Variants in STXBP5L observed in about 807,000 individuals in gnomAD.
The protein encoded by STXBP5L is syntaxin binding protein 5L, also known as syntaxin-binding protein 5-like.
In STXBP5L, 65 loss-of-function variants were observed where a neutral mutation model predicts 144.5. The observed-to-expected ratio is 0.45, with a 90% CI of 0.37 to 0.55. The LOEUF (loss-of-function observed/expected upper bound fraction) is 0.55. Among genes scored for constraint, STXBP5L ranks in the 20% least tolerant of loss-of-function variants. The pLI, the probability that STXBP5L is intolerant of heterozygous loss-of-function variation, is 0.00. For synonymous variants in STXBP5L, 505 were observed against 469.6 expected, an observed-to-expected ratio of 1.08 and a Z score of -0.97; for missense variants, 1,298 against 1,405.5, an observed-to-expected ratio of 0.92 and a Z score of 1.22.
chr3:120,952,585 G>C (rs16831995), intron 2 of STXBP5L, among the ~76,000 whole-genome samples: 14,994 of 151,816 alleles, frequency 0.099, 1,161 homozygotes, highest in Admixed American at 0.2. Flanking sequence ...GATTTATAAT[G>C]GTGATTTTGC....
intron 3 of STXBP5L, among the ~76,000 whole-genome samples, chr3:120,990,799 C>G (rs1410498452): frequency 1.3e-5 from 2 of 152,170 alleles, no homozygotes; most frequent in Non-Finnish European, 1.5e-5. Context: ...GAAACTGGAT[C>G]CCTTCCTTAC....
intron 7 of STXBP5L, among the ~76,000 whole-genome samples, chr3:121,123,988 A>G (rs1429661319): frequency 1.1e-4 from 17 of 151,710 alleles, no homozygotes; most frequent in Admixed American, 1.1e-3. Context: ...TGGTTTTAAG[A>G]CCTTGCATTT....
intron 7 of STXBP5L, among the ~76,000 whole-genome samples, chr3:121,130,868 A>G (rs968465687): frequency 6.6e-6 from 1 of 152,184 alleles, no homozygotes; most frequent in Non-Finnish European, 1.5e-5. Context: ...AGTGATATAT[A>G]TATCAGAATT....
chr3:121,388,697 T>C (rs1381920499), intron 22 of STXBP5L, among the ~76,000 whole-genome samples: 1 of 152,188 alleles, frequency 6.6e-6, no homozygotes, highest in Non-Finnish European at 1.5e-5. Flanking sequence ...GGTACGTTTA[T>C]TGATTTCTGT....
intron 16 of STXBP5L, 55 bp downstream of exon 16, chr3:121,255,167 A>G (rs1237069574): frequency 2.9e-6 from 4 of 1,379,902 alleles, no homozygotes; most frequent in South Asian, 1.5e-5. Flanking sequence ...GAAAGCTATT[A>G]TCATAGATTT....
chr3:120,995,058 A>G (rs1943231527), intron 3 of STXBP5L, among the ~76,000 whole-genome samples: 1 of 152,206 alleles, frequency 6.6e-6, no homozygotes, highest in Middle Eastern at 3.4e-3. Context: ...TTAAAAATTG[A>G]TATATTAAGA....
Position 121,302,534 on chromosome 3 carries a change from T to TCC in STXBP5L, c.2111-15940_2111-15939insCC, listed in dbSNP as rs202124581. Among the ~76,000 whole-genome samples, 692 of 152,324 alleles carry TCC rather than the reference T, an allele frequency of 4.5e-3. 4 individuals carry two copies. The highest frequency in any genetic ancestry group is 0.016 in the African/African-American group (660 of 41,574). On this transcript the variant is annotated intron_variant, in intron 19 of 26. Coordinates refer to ENST00000471454, the MANE Select transcript of STXBP5L (RefSeq NM_001308330.2). ...GATTTTTTGAAGGGTTTTTTATGTC[T>TCC]CTATCTCTTTCAGTTCTGCTCTGAT...
At chr3:121,181,903 C>T (rs1249680308) in intron 9 of STXBP5L, among the ~76,000 whole-genome samples, 1 of 150,846 alleles carries the variant, frequency 6.6e-6, no homozygotes, top group African/African-American at 2.4e-5. Context: ...ACAGGAGTAG[C>T]TATTCTTATA....
At chr3:121,087,112 A>G (rs1237983571) in intron 5 of STXBP5L, among the ~76,000 whole-genome samples, 4 of 151,972 alleles carry the variant, frequency 2.6e-5, no homozygotes. Context: ...GATGTAGCTC[A>G]TCTTTGTGTA....
chr3:120,987,240 C>A (rs1001858629), intron 3 of STXBP5L, among the ~76,000 whole-genome samples: 3 of 151,900 alleles, frequency 2.0e-5, no homozygotes, highest in African/African-American at 7.2e-5. Context: ...TTCCCACCAG[C>A]AGTGTATGAA....
At chr3:121,218,724 C>T (rs1027875785) in intron 10 of STXBP5L, among the ~76,000 whole-genome samples, 1 of 152,022 alleles carries the variant, frequency 6.6e-6, no homozygotes, top group African/African-American at 2.4e-5. Context: ...GTGAAGAGAA[C>T]ATATTTTTAG....
At chr3:121,172,840 A>G (rs1287646309) in intron 9 of STXBP5L, among the ~76,000 whole-genome samples, 1 of 152,244 alleles carries the variant, frequency 6.6e-6, no homozygotes, top group Non-Finnish European at 1.5e-5. Context: ...GTGTATACCC[A>G]AAGGATTTTA....
intron 5 of STXBP5L, among the ~76,000 whole-genome samples, chr3:121,101,968 G>C (rs1298356253): frequency 6.6e-6 from 1 of 151,744 alleles, no homozygotes; most frequent in Admixed American, 6.6e-5. Flanking sequence ...ATATACAATA[G>C]TCACAAGCAA....
intron 3 of STXBP5L, among the ~76,000 whole-genome samples, chr3:121,030,923 G>C (rs764158536): frequency 1.3e-5 from 2 of 152,044 alleles, no homozygotes; most frequent in African/African-American, 4.8e-5. Context: ...TAACTTACTG[G>C]GAGAGCTGGA....
At chr3:121,328,266 T>C (rs769246705) in intron 20 of STXBP5L, among the ~76,000 whole-genome samples, 3 of 152,216 alleles carry the variant, frequency 2.0e-5, no homozygotes, top group Non-Finnish European at 4.4e-5. Context: ...CCATATACCA[T>C]ACACTATGCT....
chr3:121,011,735 C>T (rs894440132), intron 3 of STXBP5L, among the ~76,000 whole-genome samples: 2 of 150,660 alleles, frequency 1.3e-5, no homozygotes, highest in Non-Finnish European at 3.0e-5. Context: ...CCATCCAAAG[C>T]TGGACACTTA....
At chr3:120,913,114 C>A (rs1279757675) in intron 2 of STXBP5L, among the ~76,000 whole-genome samples, 2 of 151,966 alleles carry the variant, frequency 1.3e-5, no homozygotes, top group Admixed American at 1.3e-4. Flanking sequence ...TCTGTAGCAT[C>A]TGGCATATAC....
At chr3:121,336,017 G>A (rs1559988120) in intron 20 of STXBP5L, among the ~76,000 whole-genome samples, 1 of 152,122 alleles carries the variant, frequency 6.6e-6, no homozygotes, top group Non-Finnish European at 1.5e-5. Context: ...TTCAAACTAT[G>A]CATCTGACAA....
chr3:121,216,778 G>C (rs1056648058), intron 10 of STXBP5L, among the ~76,000 whole-genome samples: 7 of 152,126 alleles, frequency 4.6e-5, no homozygotes, highest in Admixed American at 2.0e-4. Flanking sequence ...CTTAAGCTGC[G>C]CCCACAGCCA....
Sources: allele counts gnomAD v4.1 joint callset (sites outside exome capture counted in the v4.1 genomes callset), GRCh38; gene constraint gnomAD v4.1.1; transcripts MANE v1.5; gene names NCBI Gene and HGNC (gene_info 2026-07-23, HGNC 2026-07-21).